EPHA6: variants seen among roughly 807,000 people sequenced by gnomAD.
EPHA6 encodes EPH receptor A6.
In EPHA6, 50 loss-of-function variants were observed where a neutral mutation model predicts 112.0. The ratio of observed to expected loss-of-function variants is 0.45; its 90% confidence interval spans 0.36 to 0.56. EPHA6 has a LOEUF of 0.56. Among genes scored for constraint, EPHA6 ranks in the 20% least tolerant of loss-of-function variants. The pLI is 0.00. For synonymous variants in EPHA6, 529 were observed against 490.7 expected (o/e 1.08, Z -1.03); for missense variants, 1,280 against 1,417.4 (o/e 0.90, Z 1.56).
At chr3:97,466,521 C>A in intron 7 of EPHA6, 1 of 864,222 alleles carries the variant, frequency 1.2e-6, no homozygotes, top group Non-Finnish European at 2.0e-6. Context: ...AGGGTCGGGC[C>A]AAATCCAGGC....
intron 3 of EPHA6, among the ~76,000 whole-genome samples, chr3:97,020,779 T>C (rs2044430313): frequency 6.6e-6 from 1 of 152,196 alleles, no homozygotes; most frequent in Non-Finnish European, 1.5e-5. Context: ...AAATTGTTTT[T>C]ATATAATTTG....
At chr3:96,842,369 T>C (rs2034803485) in intron 1 of EPHA6, among the ~76,000 whole-genome samples, 1 of 152,060 alleles carries the variant, frequency 6.6e-6, no homozygotes, top group Non-Finnish European at 1.5e-5. Context: ...TTTTAAATTC[T>C]CTAATTGGTG....
intron 14 of EPHA6, among the ~76,000 whole-genome samples, chr3:97,689,076 T>C (rs2032469908): frequency 6.6e-6 from 1 of 152,230 alleles, no homozygotes; most frequent in Non-Finnish European, 1.5e-5. Flanking sequence ...TTGTCAATTT[T>C]GATGGAATTA....
At chr3:97,479,547 A>G (rs1318028445) in intron 9 of EPHA6, among the ~76,000 whole-genome samples, 183 bp downstream of exon 9, 1 of 152,212 alleles carries the variant, frequency 6.6e-6, no homozygotes, top group Non-Finnish European at 1.5e-5. Context: ...CTTCTCATTA[A>G]ATAACATTAC....
chr3:97,105,112 TG>T (rs1487648692), intron 3 of EPHA6, among the ~76,000 whole-genome samples: 15 of 151,048 alleles, frequency 9.9e-5, no homozygotes, highest in Non-Finnish European at 1.6e-4. Flanking sequence ...TGCCTTTGAA[TG>T]TTTTTTTTGT....
chr3:97,510,000 C>A (rs2092334746), intron 10 of EPHA6, among the ~76,000 whole-genome samples: 1 of 152,170 alleles, frequency 6.6e-6, no homozygotes, highest in African/African-American at 2.4e-5. Context: ...CTTGTGTACA[C>A]TTCATGAACT....
chr3:97,092,713 C>T (rs901746631), intron 3 of EPHA6, among the ~76,000 whole-genome samples: 1 of 151,944 alleles, frequency 6.6e-6, no homozygotes, highest in Admixed American at 6.6e-5. Context: ...ATTATAATAT[C>T]GAGCAATTGT....
chr3:97,518,247 A>G (rs1332660628), intron 10 of EPHA6, among the ~76,000 whole-genome samples: 1 of 152,062 alleles, frequency 6.6e-6, no homozygotes, highest in Non-Finnish European at 1.5e-5. Flanking sequence ...TCTCATGAAC[A>G]TTTGTTATCT....
At chr3:97,675,930 A>G (rs956018864) in intron 14 of EPHA6, among the ~76,000 whole-genome samples, 5 of 152,174 alleles carry the variant, frequency 3.3e-5, no homozygotes, top group African/African-American at 4.8e-5. Context: ...CAGCATTCCT[A>G]TTGCATTGGA....
intron 5 of EPHA6, among the ~76,000 whole-genome samples, chr3:97,275,754 G>T (rs1364078174): frequency 6.6e-6 from 1 of 152,108 alleles, no homozygotes; most frequent in Non-Finnish European, 1.5e-5. Context: ...GGGTGATTAG[G>T]TTTTAATGAG....
intron 1 of EPHA6, among the ~76,000 whole-genome samples, chr3:96,842,363 A>G (rs2034802943): frequency 1.3e-5 from 2 of 152,056 alleles, no homozygotes; most frequent in South Asian, 4.1e-4. Flanking sequence ...CTGGTCTTTT[A>G]AATTCTCTAA....
chr3:97,478,939 C>T (rs182481590), intron 8 of EPHA6, among the ~76,000 whole-genome samples: 1 of 152,200 alleles, frequency 6.6e-6, no homozygotes, highest in East Asian at 1.9e-4. Context: ...AAATGGAAGA[C>T]AGTTGTATAC....
intron 13 of EPHA6, among the ~76,000 whole-genome samples, chr3:97,627,895 T>C (rs1245296892): frequency 6.6e-6 from 1 of 151,954 alleles, no homozygotes; most frequent in Non-Finnish European, 1.5e-5. Context: ...ATGGGACATA[T>C]GCATCAATAT....
intron 14 of EPHA6, among the ~76,000 whole-genome samples, chr3:97,665,711 C>T (rs2029991811): frequency 6.6e-6 from 1 of 152,208 alleles, no homozygotes; most frequent in Non-Finnish European, 1.5e-5. Flanking sequence ...ACATCTTCCA[C>T]ATGTCTTTCT....
At chr3:97,556,051 G>A (rs2093104392) in intron 11 of EPHA6, among the ~76,000 whole-genome samples, 1 of 151,834 alleles carries the variant, frequency 6.6e-6, no homozygotes, top group African/African-American at 2.4e-5. Context: ...AATCACCCCA[G>A]GTATAGGAAA....
At chr3:97,496,891 A>C (rs1411309772) in intron 10 of EPHA6, among the ~76,000 whole-genome samples, 1 of 151,990 alleles carries the variant, frequency 6.6e-6, no homozygotes, top group East Asian at 1.9e-4. Context: ...ATTATTTAGG[A>C]TAGGATTACA....
chr3:97,232,533 A>T (rs1401895951), intron 4 of EPHA6, among the ~76,000 whole-genome samples: 1 of 152,168 alleles, frequency 6.6e-6, no homozygotes, highest in East Asian at 1.9e-4. Flanking sequence ...CTCTAAGCCT[A>T]TCATCTGATA....
intron 12 of EPHA6, among the ~76,000 whole-genome samples, chr3:97,607,715 C>G (rs1197854311): frequency 6.6e-6 from 1 of 150,996 alleles, no homozygotes; most frequent in African/African-American, 2.4e-5. Flanking sequence ...GATGCAAATA[C>G]TAAGATGATT....
intron 14 of EPHA6, among the ~76,000 whole-genome samples, chr3:97,638,935 A>T (rs988285720): frequency 6.6e-6 from 1 of 152,164 alleles, no homozygotes; most frequent in African/African-American, 2.4e-5. Context: ...TTATTTTAAA[A>T]GATGCAACTT....
Sources: gnomAD v4.1 joint callset for allele counts (sites outside exome capture counted in the v4.1 genomes callset) on GRCh38, gnomAD v4.1.1 for gene constraint, MANE v1.5 for transcripts, NCBI Gene and HGNC (gene_info 2026-07-23, HGNC 2026-07-21) for gene names.